TMEM164: variants seen among roughly 807,000 people sequenced by gnomAD.
The protein encoded by TMEM164 is transmembrane protein 164.
A neutral mutation model predicts 18.8 loss-of-function variants in TMEM164; 4 were observed. The observed-to-expected ratio is 0.21, with a 90% CI of 0.10 to 0.49. The LOEUF is 0.49. Ranked by LOEUF, TMEM164 falls within the 20% of genes least tolerant of loss-of-function variation. TMEM164 has a pLI of 0.98. For synonymous variants in TMEM164, 86 were observed against 101.7 expected, an observed-to-expected ratio of 0.85 and a Z score of 0.93; for missense variants, 108 against 239.9, an observed-to-expected ratio of 0.45 and a Z score of 3.63.
At chrX:110,015,551 G>A (rs996231325) in intron 2 of TMEM164, among the ~76,000 whole-genome samples, 4 of 75,954 alleles carry the variant, frequency 5.3e-5, no homozygotes, top group Non-Finnish European at 9.4e-5. Flanking sequence ...AGGAACTTGA[G>A]TGTGTGTGTG....
At position 110,176,682 on chromosome X, in the gene TMEM164, G is replaced by A. The variant is rs752256891; in HGVS notation, c.*3231G>A. ...GAGAGCAAGTTGTCAGCAGGTCTCT[G>A]TGCACTGGTATTGGGGCAGGGCAGT... On this transcript the variant is annotated 3_prime_UTR_variant, in exon 7 of 7. Transcript: ENST00000372068. 1 of 112,111 alleles carries A rather than the reference G, an allele frequency of 8.9e-6. No homozygotes were observed. Among genetic ancestry groups the A allele is most frequent in the Non-Finnish European group, 1.9e-5 (1 of 53,824 alleles). The allele number at this position is 112,111 out of a possible 1,213,427, so 9.2% of individuals were successfully genotyped here.
chrX:110,012,875 G>A (rs1454936759), intron 2 of TMEM164, among the ~76,000 whole-genome samples: 2 of 112,163 alleles, frequency 1.8e-5, no homozygotes, highest in East Asian at 5.6e-4. Flanking sequence ...TTTGGTTCCC[G>A]TCTAGTAGCT....
At chrX:110,137,595 A>G (rs1006147148) in intron 4 of TMEM164, among the ~76,000 whole-genome samples, 4 of 111,862 alleles carry the variant, frequency 3.6e-5, no homozygotes, top group African/African-American at 1.3e-4. Context: ...GCAAAACTAC[A>G]TACCATGCAT....
intron 2 of TMEM164, among the ~76,000 whole-genome samples, chrX:110,020,070 GC>G (rs1933720825): frequency 8.9e-6 from 1 of 112,143 alleles, no homozygotes; most frequent in Non-Finnish European, 1.9e-5. Flanking sequence ...CTGTCTTCAA[GC>G]CTCTAAGCCG....
At chrX:110,151,065 C>T (rs905431027) in intron 5 of TMEM164, among the ~76,000 whole-genome samples, 20 of 112,119 alleles carry the variant, frequency 1.8e-4, no homozygotes, top group African/African-American at 6.2e-4. Context: ...TATGGTTCCA[C>T]GGTTCTTGCT....
chrX:110,064,821 T>C (rs1487557386), intron 2 of TMEM164, among the ~76,000 whole-genome samples: 1 of 105,620 alleles, frequency 9.5e-6, no homozygotes, highest in Non-Finnish European at 1.9e-5. Context: ...CACAAAAAAA[T>C]AAAAATAAAA....
chrX:110,171,680 C>T (rs182687361), intron 6 of TMEM164, among the ~76,000 whole-genome samples, 160 bp downstream of exon 6: 26 of 112,489 alleles, frequency 2.3e-4, no homozygotes, highest in African/African-American at 7.1e-4. Flanking sequence ...TTATGATCTA[C>T]AGCCTTGGCC....
rs12400366 is a variant in TMEM164, at chrX:110,034,662, C to T, written c.390+30498C>T. ...TCAACCATTGTGGAAGTCAGTGTGG[C>T]GATTCCTCAGGGATCTAGAACTAGA... On this transcript the variant is annotated intron_variant, in intron 2 of 6. Transcript: ENST00000372068. 8.2e-3 allele frequency among the ~76,000 whole-genome samples: 903 copies of T among 110,120 alleles called. 4 individuals are homozygous for T. The highest frequency in any genetic ancestry group is 0.013 in the Non-Finnish European group (678 of 52,709).
chrX:110,148,438 C>T (rs2066888968), intron 5 of TMEM164, among the ~76,000 whole-genome samples: 1 of 111,436 alleles, frequency 9.0e-6, no homozygotes, highest in African/African-American at 3.3e-5. Flanking sequence ...CGATTAGCTC[C>T]CACCCCTGCT....
chrX:110,121,255 A>G (rs1432820092), intron 4 of TMEM164, among the ~76,000 whole-genome samples: 1 of 112,290 alleles, frequency 8.9e-6, no homozygotes, highest in Non-Finnish European at 1.9e-5. Flanking sequence ...AGTGGTTTTT[A>G]ATATATTCAC....
intron 2 of TMEM164, among the ~76,000 whole-genome samples, chrX:110,064,684 A>G (rs1020007841): frequency 2.7e-5 from 3 of 110,784 alleles, no homozygotes; most frequent in African/African-American, 9.9e-5. Flanking sequence ...CAGATTTGAA[A>G]AAGGACCCTA....
intron 5 of TMEM164, among the ~76,000 whole-genome samples, chrX:110,145,547 G>A (rs982914763): frequency 8.9e-6 from 1 of 111,879 alleles, no homozygotes; most frequent in Non-Finnish European, 1.9e-5. Flanking sequence ...TGTTGTGAGA[G>A]CCACTCCTTC....
chrX:110,027,684 C>T (rs760090940), intron 2 of TMEM164, among the ~76,000 whole-genome samples: 10 of 110,323 alleles, frequency 9.1e-5, no homozygotes, highest in East Asian at 2.8e-4. Flanking sequence ...TGCTTGAATC[C>T]GGGAGGTGGA....
chrX:110,119,443 A>G lies in TMEM164; in HGVS notation c.507+10297A>G, dbSNP rs952290849. Among the ~76,000 whole-genome samples, 33 of 111,580 alleles carry G rather than the reference A, an allele frequency of 3.0e-4. 2 individuals are homozygous for G. The highest frequency in any genetic ancestry group is 1.9e-5 in the Non-Finnish European group (1 of 53,025). On this transcript the variant is annotated intron_variant, in intron 4 of 6. Coordinates refer to ENST00000372068, the MANE Select transcript of TMEM164 (RefSeq NM_032227.4). ...ACCCCATTTCTTAAAGAAAGTAAGG[A>G]AGGGAGGGGAGGGGAGGGAAAAATA... is the stretch of plus-strand genomic sequence containing the variant.
chrX:110,176,339 G>T lies in TMEM164; in HGVS notation c.*2888G>T, dbSNP rs1463587276. 2 of 756,292 alleles carry T rather than the reference G, an allele frequency of 2.6e-6. No individual in the cohort carries two copies. The highest frequency in any genetic ancestry group is 1.6e-6 in the Non-Finnish European group (1 of 639,533). The allele number at this position is 756,292 out of a possible 1,213,427, so 62.3% of individuals were successfully genotyped here. Reference sequence around the variant, plus strand: ...GTATTTGGTTTTGTACACCAAAGATGATCTGGCCCATCTTCCTCCCAGAGG... The same window carrying T: ...GTATTTGGTTTTGTACACCAAAGATTATCTGGCCCATCTTCCTCCCAGAGG... On this transcript the variant is annotated 3_prime_UTR_variant, in exon 7 of 7. Coordinates refer to ENST00000372068, the MANE Select transcript of TMEM164 (RefSeq NM_032227.4).
chrX:110,071,443 C>T (rs2065587262), intron 3 of TMEM164, among the ~76,000 whole-genome samples: 1 of 110,525 alleles, frequency 9.0e-6, no homozygotes, highest in Non-Finnish European at 1.9e-5. Context: ...ACTACTCTTA[C>T]ATTATTGAAA....
At chrX:110,165,232 C>A (rs1325693337) in intron 5 of TMEM164, among the ~76,000 whole-genome samples, 2 of 112,880 alleles carry the variant, frequency 1.8e-5, no homozygotes, top group Non-Finnish European at 3.7e-5. Context: ...TCTGCACTGT[C>A]CAATATGGTG....
chrX:110,024,777 A>G (rs1289280154), intron 2 of TMEM164, among the ~76,000 whole-genome samples: 1 of 112,072 alleles, frequency 8.9e-6, no homozygotes, highest in Non-Finnish European at 1.9e-5. Flanking sequence ...AAGAGAAGCA[A>G]TTGAAACAAC....
At chrX:110,140,940 T>C (rs1166320411) in intron 4 of TMEM164, among the ~76,000 whole-genome samples, 2 of 111,448 alleles carry the variant, frequency 1.8e-5, no homozygotes. Flanking sequence ...GGAGGCTCGC[T>C]GAGAAAGTTC....
Sources: allele counts gnomAD v4.1 joint callset (sites outside exome capture counted in the v4.1 genomes callset), GRCh38; gene constraint gnomAD v4.1.1; transcripts MANE v1.5; gene names NCBI Gene and HGNC (gene_info 2026-07-23, HGNC 2026-07-21).